Variants in GRIK2 observed in about 807,000 individuals in gnomAD.
GRIK2 encodes glutamate ionotropic receptor kainate type subunit 2.
GRIK2 carries 32 observed loss-of-function variants against 100.3 expected under a neutral mutation model. The ratio of observed to expected loss-of-function variants is 0.32; its 90% CI spans 0.24 to 0.43. The LOEUF is 0.43. Among genes scored for constraint, GRIK2 ranks in the 20% least tolerant of loss-of-function variants. The pLI, the probability that GRIK2 is intolerant of heterozygous loss-of-function variation, is 1.00. For synonymous variants in GRIK2, 417 were observed against 389.4 expected (o/e 1.07, Z -0.83); for missense variants, 843 against 1,114.9 (o/e 0.76, Z 3.47).
chr6:101,786,848 A>G (rs533705434), intron 7 of GRIK2, among the ~76,000 whole-genome samples: 1 of 152,118 alleles, frequency 6.6e-6, no homozygotes, highest in East Asian at 1.9e-4. Flanking sequence ...GTTAGGAAGA[A>G]TTATCTCCTC....
At chr6:101,480,091 A>G (rs1772448653) in intron 2 of GRIK2, among the ~76,000 whole-genome samples, 1 of 152,176 alleles carries the variant, frequency 6.6e-6, no homozygotes, top group South Asian at 2.1e-4. Context: ...ACAAAGGAAC[A>G]TGGTGAGTGG....
chr6:101,396,174 C>T (rs987267756), intron 1 of GRIK2, among the ~76,000 whole-genome samples: 1 of 151,696 alleles, frequency 6.6e-6, no homozygotes, highest in African/African-American at 2.4e-5. Flanking sequence ...TTCAAAATTG[C>T]CACATGTTAA....
intron 10 of GRIK2, among the ~76,000 whole-genome samples, chr6:101,832,433 A>C (rs1562423501): frequency 6.6e-6 from 1 of 152,196 alleles, no homozygotes. Flanking sequence ...ATTTAGGATA[A>C]ATGTAAGAAC....
chr6:102,021,283 C>T (rs981248849), intron 14 of GRIK2, among the ~76,000 whole-genome samples: 4 of 151,358 alleles, frequency 2.6e-5, no homozygotes, highest in Non-Finnish European at 5.9e-5. Context: ...TTTATAAAAT[C>T]CTTATAAGGA....
At chr6:101,619,004 A>G (rs1024741713) in intron 2 of GRIK2, among the ~76,000 whole-genome samples, 1 of 148,938 alleles carries the variant, frequency 6.7e-6, no homozygotes, top group South Asian at 2.1e-4. Flanking sequence ...ACTATCTAGT[A>G]TGGTGAATCT....
chr6:101,752,383 C>T (rs1159948778), intron 7 of GRIK2, among the ~76,000 whole-genome samples: 1 of 152,076 alleles, frequency 6.6e-6, no homozygotes, highest in Non-Finnish European at 1.5e-5. Flanking sequence ...AGCAGTTTAT[C>T]AAAGTAGCTT....
intron 2 of GRIK2, among the ~76,000 whole-genome samples, chr6:101,417,766 C>G (rs541245433): frequency 1.3e-5 from 2 of 152,100 alleles, no homozygotes; most frequent in Non-Finnish European, 2.9e-5. Flanking sequence ...AGAAAAGGCA[C>G]GGAAAATGTG....
At chr6:101,634,154 G>A (rs1405814545) in intron 4 of GRIK2, among the ~76,000 whole-genome samples, 3 of 152,094 alleles carry the variant, frequency 2.0e-5, no homozygotes, top group African/African-American at 7.2e-5. Flanking sequence ...TCCTGAATTA[G>A]CCAAGTTGAA....
chr6:101,904,336 C>A (rs1278412249), intron 12 of GRIK2, among the ~76,000 whole-genome samples: 1 of 151,374 alleles, frequency 6.6e-6, no homozygotes, highest in African/African-American at 2.4e-5. Flanking sequence ...TTTATGACTT[C>A]ATAGAACTTG....
chr6:101,749,635 C>T (rs1028219151), intron 7 of GRIK2, among the ~76,000 whole-genome samples: 27 of 152,064 alleles, frequency 1.8e-4, no homozygotes, highest in African/African-American at 6.5e-4. Flanking sequence ...CATTTTACTT[C>T]TGTATGACCT....
At chr6:101,817,968 G>T (rs76028912) in intron 9 of GRIK2, among the ~76,000 whole-genome samples, 1 of 152,048 alleles carries the variant, frequency 6.6e-6, no homozygotes, top group Non-Finnish European at 1.5e-5. Context: ...TAGATTTTGC[G>T]CTGTCTTTTA....
intron 14 of GRIK2, among the ~76,000 whole-genome samples, chr6:101,976,806 T>TAAA (rs59638071): frequency 1.9e-3 from 276 of 144,464 alleles, no homozygotes; most frequent in African/African-American, 6.8e-3. Context: ...TTTCATTGTT[T>TAAA]AAAAAAAAAA....
chr6:102,004,698 G>T (rs766239129), intron 14 of GRIK2, among the ~76,000 whole-genome samples: 1 of 151,792 alleles, frequency 6.6e-6, no homozygotes, highest in Non-Finnish European at 1.5e-5. Context: ...CATTGTTTTT[G>T]TTCTCACTTC....
intron 2 of GRIK2, among the ~76,000 whole-genome samples, chr6:101,541,870 C>T (rs1776015208): frequency 6.6e-6 from 1 of 151,744 alleles, no homozygotes; most frequent in Non-Finnish European, 1.5e-5. Flanking sequence ...CTTTTATTCT[C>T]CCACTCTCCC....
At chr6:101,427,186 C>T (rs975856073) in intron 2 of GRIK2, among the ~76,000 whole-genome samples, 1 of 152,168 alleles carries the variant, frequency 6.6e-6, no homozygotes, top group Middle Eastern at 3.2e-3. Flanking sequence ...TACAGCTGAA[C>T]CAAGGCATGA....
intron 2 of GRIK2, among the ~76,000 whole-genome samples, chr6:101,506,754 G>A (rs1774044988): frequency 6.6e-6 from 1 of 152,096 alleles, no homozygotes; most frequent in Non-Finnish European, 1.5e-5. Context: ...AAACCTATAT[G>A]CATATTTTGT....
At chr6:101,450,388 G>A (rs1442353931) in intron 2 of GRIK2, among the ~76,000 whole-genome samples, 1 of 151,582 alleles carries the variant, frequency 6.6e-6, no homozygotes, top group Non-Finnish European at 1.5e-5. Flanking sequence ...TGATCTCTTT[G>A]TTACTAAGTT....
intron 2 of GRIK2, among the ~76,000 whole-genome samples, chr6:101,447,961 C>A (rs1359691246): frequency 6.6e-6 from 1 of 151,646 alleles, no homozygotes; most frequent in African/African-American, 2.4e-5. Flanking sequence ...TGAACTCAAT[C>A]ATGTAGCACA....
chr6:101,652,416 A>T (rs1018053752), intron 4 of GRIK2, among the ~76,000 whole-genome samples: 5 of 152,156 alleles, frequency 3.3e-5, no homozygotes, highest in African/African-American at 1.2e-4. Context: ...TCCTGACTTC[A>T]AACTTTCAGC....
Sources: gnomAD v4.1 joint callset for allele counts (sites outside exome capture counted in the v4.1 genomes callset) on GRCh38, gnomAD v4.1.1 for gene constraint, MANE v1.5 for transcripts, NCBI Gene and HGNC (gene_info 2026-07-23, HGNC 2026-07-21) for gene names.